Variants in VPS13D observed in about 807,000 individuals in gnomAD.
VPS13D encodes vacuolar protein sorting 13 homolog D.
Under a neutral mutation model 461.9 loss-of-function variants are expected in VPS13D, and 187 were observed. The observed-to-expected ratio is 0.40, with a 90% CI of 0.36 to 0.46. VPS13D has a LOEUF of 0.46. Ranked by LOEUF, VPS13D falls within the 20% of genes least tolerant of loss-of-function variation. The pLI is 0.60. For synonymous variants in VPS13D, 1,951 were observed against 1,986.3 expected, an observed-to-expected ratio of 0.98 and a Z score of 0.47; for missense variants, 4,711 against 5,364.9, an observed-to-expected ratio of 0.88 and a Z score of 3.81.
At chr1:12,400,722 G>A (rs891018103) in intron 61 of VPS13D, among the ~76,000 whole-genome samples, 1 of 152,252 alleles carries the variant, frequency 6.6e-6, no homozygotes, top group Middle Eastern at 3.4e-3. Flanking sequence ...GGAGGCTAAG[G>A]CGGGTGGATC....
At chr1:12,273,170 T>G in intron 18 of VPS13D, 35 bp downstream of exon 18, 3 of 1,607,014 alleles carry the variant, frequency 1.9e-6, no homozygotes, top group Middle Eastern at 1.7e-4. Flanking sequence ...AAAACCTGCC[T>G]TGGTAGATGG....
Position 12,497,496 on chromosome 1 carries a change from C to G in VPS13D, c.12663-4C>G. 3 of 1,612,800 alleles carry G rather than the reference C, an allele frequency of 1.9e-6. No individual in the cohort carries two copies. Among genetic ancestry groups the G allele is most frequent in the Non-Finnish European group, 2.5e-6 (3 of 1,179,432 alleles). ...CTTGGCTTTATGTCCATTTACCCAT[C>G]TAGGACTCAAGCACAGAGGGTTCGG... On this transcript the variant is annotated splice_region_variant and splice_polypyrimidine_tract_variant and intron_variant, in intron 67 of 69. Coordinates refer to ENST00000620676, the MANE Select transcript of VPS13D (RefSeq NM_015378.4).
chr1:12,439,638 T>C (rs1157220287), intron 65 of VPS13D, among the ~76,000 whole-genome samples: 5 of 152,212 alleles, frequency 3.3e-5, no homozygotes, highest in African/African-American at 1.2e-4. Context: ...TATGTAAATC[T>C]CATGAGGGCT....
intron 38 of VPS13D, 86 bp downstream of exon 38, chr1:12,333,452 A>C: frequency 6.5e-7 from 1 of 1,530,116 alleles, no homozygotes; most frequent in South Asian, 1.2e-5. Context: ...GGTTTAGCAA[A>C]TACCTGGGCC....
At chr1:12,383,293 G>A (rs2101650537) in intron 58 of VPS13D, 138 bp downstream of exon 58, 2 of 895,506 alleles carry the variant, frequency 2.2e-6, no homozygotes, top group East Asian at 2.8e-5. Context: ...AATGGGGATA[G>A]GATCTACCTC....
intron 36 of VPS13D, among the ~76,000 whole-genome samples, chr1:12,329,402 T>G (rs1322006954): frequency 6.6e-6 from 1 of 152,036 alleles, no homozygotes. Flanking sequence ...GTAGTAGAAA[T>G]GGGGTTTCAC....
At position 12,338,552 on chromosome 1, in the gene VPS13D, G is replaced by A. The variant is rs372467948; in HGVS notation, c.8626+247G>A. On this transcript the variant is annotated intron_variant, in intron 40 of 69. Transcript: ENST00000620676. The stretch of plus-strand genomic sequence containing the variant: ...TGGAATAAACTCCACAGTGTATGAT[G>A]CAGAAATATGTTAATACAATGTCAG... Among the ~76,000 whole-genome samples, 40 of 152,236 alleles carry A rather than the reference G, an allele frequency of 2.6e-4. 3 individuals carry two copies. Among genetic ancestry groups the A allele is most frequent in the Admixed American group, 2.1e-3 (32 of 15,290 alleles).
At position 12,508,875 on chromosome 1, in the gene VPS13D, T is replaced by A; in HGVS notation, c.13036-18T>A. 6.2e-7 allele frequency: 1 copy of A among 1,612,728 alleles called. No individual in the cohort carries two copies. Among genetic ancestry groups the A allele is most frequent in the Non-Finnish European group, 8.5e-7 (1 of 1,179,386 alleles). The stretch of plus-strand genomic sequence containing the variant: ...CCCCATCCTGGGGACAGGTGACCCA[T>A]CCTGTTCTCCTCCTTAGGTCCATGT... On this transcript the variant is annotated intron_variant, in intron 69 of 69. Coordinates refer to ENST00000620676, the MANE Select transcript of VPS13D (RefSeq NM_015378.4).
Position 12,308,279 on chromosome 1 carries a change from A to C in VPS13D, c.6440-152A>C, listed in dbSNP as rs115361959. On this transcript the variant is annotated intron_variant, in intron 26 of 69. Coordinates refer to ENST00000620676, the MANE Select transcript of VPS13D (RefSeq NM_015378.4). ...GCTGCCATAGTGGAGACTCCTGGAC[A>C]GCCAGTTTTCTGAGTAGTGGACAGT... The C allele has an allele frequency of 0.06, 47,298 of 785,166 alleles. 1,798 individuals are homozygous for C. Among genetic ancestry groups the C allele is most frequent in the South Asian group, 0.099 (5,398 of 54,460 alleles). 48.6% of individuals were successfully genotyped at this position (785,166 alleles called of 1,614,324 possible). A position where few individuals can be genotyped will look rare whatever the true frequency, so the allele number is the denominator to read the frequency against.
At chr1:12,501,847 C>T (rs1570294923) in intron 68 of VPS13D, among the ~76,000 whole-genome samples, 1 of 152,188 alleles carries the variant, frequency 6.6e-6, no homozygotes. Flanking sequence ...ACAGAGAAGG[C>T]GCTGGATGAG....
intron 2 of VPS13D, among the ~76,000 whole-genome samples, chr1:12,238,742 C>T (rs1262467761): frequency 6.6e-6 from 1 of 151,444 alleles, no homozygotes; most frequent in Non-Finnish European, 1.5e-5. Context: ...CTGAAGCGAT[C>T]CTCCTGCCTC....
At chr1:12,273,786 T>C (rs1641526555) in intron 18 of VPS13D, among the ~76,000 whole-genome samples, 1 of 152,206 alleles carries the variant, frequency 6.6e-6, no homozygotes, top group Admixed American at 6.5e-5. Context: ...CGCGTTTTGT[T>C]TATCCTTTCA....
intron 3 of VPS13D, among the ~76,000 whole-genome samples, chr1:12,242,958 CTT>C (rs979589423): frequency 7.0e-6 from 1 of 143,742 alleles, no homozygotes; most frequent in African/African-American, 2.6e-5. Flanking sequence ...CTTTTCTTTT[CTT>C]TTTTTTTTTT....
chr1:12,400,134 C>T (rs1644555552), intron 60 of VPS13D, 47 bp from the exon 61 acceptor site: 2 of 1,595,390 alleles, frequency 1.3e-6, no homozygotes, highest in African/African-American at 1.3e-5. Context: ...AAAACTGAGC[C>T]ACTGGTCTGT....
At chr1:12,460,643 T>G (rs1046433593) in intron 67 of VPS13D, among the ~76,000 whole-genome samples, 6 of 150,042 alleles carry the variant, frequency 4.0e-5, no homozygotes, top group African/African-American at 7.3e-5. Context: ...TTTATATATG[T>G]ATGTATATAT....
At chr1:12,403,735 G>T (rs915107816) in intron 62 of VPS13D, 90 bp from the exon 63 acceptor site, 1 of 1,317,740 alleles carries the variant, frequency 7.6e-7, no homozygotes, top group Non-Finnish European at 1.0e-6. Context: ...TTTTTTTGAT[G>T]ATTTTTTTCT....
chr1:12,267,155 A>T lies in VPS13D; in HGVS notation c.1725+144A>T, dbSNP rs376341685. 5.3e-5 allele frequency: 48 copies of T among 898,392 alleles called. No individual in the cohort carries two copies. In the South Asian group the frequency reaches 1.5e-3, roughly 28 times the overall value. The allele number at this position is 898,392 out of a possible 1,614,324, so 55.7% of individuals were successfully genotyped here. ...ATTAGAAAAGTTTCTTGAAATTGTT[A>T]AAGAGCAAATGTTGGTGACATTAAT... On this transcript the variant is annotated intron_variant, in intron 14 of 69. Coordinates refer to ENST00000620676, the MANE Select transcript of VPS13D (RefSeq NM_015378.4).
At chr1:12,475,896 AAAAAAC>A (rs910781481) in intron 67 of VPS13D, among the ~76,000 whole-genome samples, 2 of 152,134 alleles carry the variant, frequency 1.3e-5, no homozygotes, top group African/African-American at 4.8e-5. Flanking sequence ...TTTAAAAAAA[AAAAAAC>A]AAAAAACAAA....
At chr1:12,497,344 T>C (rs1645973647) in intron 67 of VPS13D, 156 bp from the exon 68 acceptor site, 2 of 788,688 alleles carry the variant, frequency 2.5e-6, no homozygotes, top group East Asian at 6.8e-5. Flanking sequence ...TAACCGCTAT[T>C]TCATGGTGTA....
Sources: allele counts gnomAD v4.1 joint callset (sites outside exome capture counted in the v4.1 genomes callset), GRCh38; gene constraint gnomAD v4.1.1; transcripts MANE v1.5; gene names NCBI Gene and HGNC (gene_info 2026-07-23, HGNC 2026-07-21).